TOMM20: variants seen among roughly 807,000 people sequenced by gnomAD.
TOMM20 encodes the protein mitochondrial import receptor subunit TOM20 homolog.
A neutral mutation model predicts 22.1 loss-of-function variants in TOMM20; 10 were observed. The observed-to-expected ratio is 0.45, with a 90% CI of 0.28 to 0.77. TOMM20 has a LOEUF of 0.77. Among genes scored for constraint, TOMM20 ranks in the 30% least tolerant of loss-of-function variants. The pLI is 0.13. For missense variants in TOMM20, 121 were observed against 172.2 expected, an observed-to-expected ratio of 0.70 and a Z score of 1.66; for synonymous variants, 55 against 61.4, an observed-to-expected ratio of 0.90 and a Z score of 0.49.
chr1:235,114,594 C>T lies in TOMM20; in HGVS notation c.251-684G>A, dbSNP rs544954788. 2.3e-3 allele frequency among the ~76,000 whole-genome samples: 353 copies of T among 152,078 alleles called. 3 individuals are homozygous for T. The highest frequency in any genetic ancestry group is 8.3e-3 in the African/African-American group (344 of 41,476). Reference sequence around the variant, plus strand: ...CTGGGACTACAGGCGCCCACCACCACGCCCGGCTAATTTTTTGTATTTTTA... The same window carrying T: ...CTGGGACTACAGGCGCCCACCACCATGCCCGGCTAATTTTTTGTATTTTTA... On this transcript the variant is annotated intron_variant, in intron 3 of 4. Transcript: ENST00000366607.
chr1:235,115,662 A>G (rs916636855), intron 3 of TOMM20, among the ~76,000 whole-genome samples: 17 of 152,162 alleles, frequency 1.1e-4, no homozygotes, highest in African/African-American at 3.4e-4. Context: ...AATAATAACA[A>G]TACAAGTAGA....
At chr1:235,112,184 C>T (rs1660750812) in intron 4 of TOMM20, 76 bp from the exon 5 acceptor site, 2 of 1,165,816 alleles carry the variant, frequency 1.7e-6, no homozygotes, top group Non-Finnish European at 2.4e-6. Flanking sequence ...ATAAAATGCT[C>T]TTTGTATTCA....
intron 3 of TOMM20, among the ~76,000 whole-genome samples, chr1:235,117,090 G>C (rs186697006): frequency 2.5e-4 from 28 of 113,116 alleles, no homozygotes; most frequent in Admixed American, 6.1e-4. Context: ...AGCGGAGATC[G>C]CGCCACTGCA....
chr1:235,110,356 G>A lies in TOMM20; in HGVS notation c.*1708C>T, dbSNP rs1385079101. On this transcript the variant is annotated 3_prime_UTR_variant, in exon 5 of 5. Transcript: ENST00000366607. Reference sequence around the variant, plus strand: ...TCCCTCTAACTGCCCCTCTATACATGTCTGGGCTGCTGCCTAAGACTTCTT... The same window carrying A: ...TCCCTCTAACTGCCCCTCTATACATATCTGGGCTGCTGCCTAAGACTTCTT... 1 of 151,950 alleles carries A rather than the reference G, an allele frequency of 6.6e-6. No homozygotes were observed. Among genetic ancestry groups the A allele is most frequent in the East Asian group, 1.9e-4 (1 of 5,184 alleles). 9.4% of individuals were successfully genotyped at this position (151,950 alleles called of 1,614,324 possible).
At position 235,116,458 on chromosome 1, in the gene TOMM20, G is replaced by C. The variant is rs138495805; in HGVS notation, c.251-2548C>G. Among the ~76,000 whole-genome samples, 387 of 152,096 alleles carry C rather than the reference G, an allele frequency of 2.5e-3. 2 individuals carry two copies. Among genetic ancestry groups the C allele is most frequent in the African/African-American group, 9.0e-3 (374 of 41,470 alleles). The stretch of plus-strand genomic sequence containing the variant: ...GGAGGCTGAGGCAAGAGAATCGCTT[G>C]AACCTGGAAGACGGAAGTTGCAGTG... On this transcript the variant is annotated intron_variant, in intron 3 of 4. Coordinates refer to ENST00000366607, the MANE Select transcript of TOMM20 (RefSeq NM_014765.3).
rs149822690 is a variant in TOMM20, at chr1:235,113,906, T to C, written c.255A>G (p.Glu85=). The C allele has an allele frequency of 1.9e-5, 30 of 1,578,500 alleles. No individual in the cohort carries two copies. Among genetic ancestry groups the C allele is most frequent in the Non-Finnish European group, 2.4e-5 (28 of 1,161,442 alleles). ...QLGEELLAQG[E]YEKGVDHLTN... ...TCAGATGGTCTACGCCCTTCTCATA[T>C]TCACCTGTAAGATTTACATAAAATT... The change falls in exon 4 of 5, where the codon GAA becomes GAG. Residue 85 remains glutamate (E), a synonymous_variant. Coordinates refer to ENST00000366607, the MANE Select transcript of TOMM20 (RefSeq NM_014765.3).
chr1:235,128,455 G>T (rs1661072196), intron 1 of TOMM20, 140 bp downstream of exon 1: 1 of 1,354,364 alleles, frequency 7.4e-7, no homozygotes, highest in Non-Finnish European at 1.0e-6. Context: ...GAGCGGCGCA[G>T]CCAGCGCCAT....
chr1:235,121,497 A>G lies in TOMM20; in HGVS notation c.168+829T>C, dbSNP rs537749322. ...AGAAAGGTAGTCTGATCCTACTAGA[A>G]CGAAGTAGTTTCCTCCCATTTTCAC... On this transcript the variant is annotated intron_variant, in intron 2 of 4. Coordinates refer to ENST00000366607, the MANE Select transcript of TOMM20 (RefSeq NM_014765.3). 3.3e-5 allele frequency among the ~76,000 whole-genome samples: 5 copies of G among 152,350 alleles called. No homozygotes were observed. The East Asian group carries it at 9.6e-4, about 29-fold the overall frequency.
At chr1:235,120,589 C>CT (rs983953125) in intron 2 of TOMM20, among the ~76,000 whole-genome samples, 18 of 148,958 alleles carry the variant, frequency 1.2e-4, no homozygotes, top group African/African-American at 4.5e-4. Context: ...ATCTAAAAGA[C>CT]TGTTTTTTGA....
At chr1:235,116,957 A>T (rs1429495645) in intron 3 of TOMM20, among the ~76,000 whole-genome samples, 6 of 151,170 alleles carry the variant, frequency 4.0e-5, no homozygotes, top group African/African-American at 7.3e-5. Flanking sequence ...AACATGGTGA[A>T]ACCCCGTCTC....
chr1:235,113,636 A>T, intron 4 of TOMM20, 132 bp downstream of exon 4: 7 of 1,164,444 alleles, frequency 6.0e-6, no homozygotes, highest in South Asian at 5.1e-5. Context: ...TCAAGCGCTG[A>T]TATCTCCCAT....
intron 3 of TOMM20, among the ~76,000 whole-genome samples, chr1:235,115,785 A>G (rs1463584585): frequency 1.3e-5 from 2 of 152,214 alleles, no homozygotes; most frequent in Non-Finnish European, 2.9e-5. Flanking sequence ...CAGAATATAA[A>G]CTGCCTCCCT....
intron 1 of TOMM20, among the ~76,000 whole-genome samples, chr1:235,126,791 C>T (rs1260426838): frequency 1.3e-5 from 2 of 152,108 alleles, no homozygotes; most frequent in East Asian, 3.9e-4. Flanking sequence ...CAGAGCGAGA[C>T]TCAAACAAAC....
At chr1:235,122,231 CT>C in intron 2 of TOMM20, 94 bp downstream of exon 2, 1 of 1,175,138 alleles carries the variant, frequency 8.5e-7, no homozygotes. Context: ...TATCAACTAG[CT>C]TTTTCCAATT....
At chr1:235,128,549 C>T (rs746913007) in intron 1 of TOMM20, 46 bp downstream of exon 1, 8 of 1,610,454 alleles carry the variant, frequency 5.0e-6, no homozygotes, top group Non-Finnish European at 5.9e-6. Context: ...TGAAGGGCGG[C>T]GGCCGAAGGC....
chr1:235,109,970 T>C lies in TOMM20; in HGVS notation c.*2094A>G, dbSNP rs776385456. ...AACTTAAGATGGGGATGAATAGTGT[T>C]TGGCAATTACATTTCTGGGAGAAAA... is the stretch of plus-strand genomic sequence containing the variant. On this transcript the variant is annotated 3_prime_UTR_variant, in exon 5 of 5. Transcript: ENST00000366607. 6.6e-6 allele frequency: 1 copy of C among 152,172 alleles called. No homozygotes were observed. The highest frequency in any genetic ancestry group is 1.5e-5 in the Non-Finnish European group (1 of 68,036). The allele number at this position is 152,172 out of a possible 1,614,324, so 9.4% of individuals were successfully genotyped here. A position where few individuals can be genotyped will look rare whatever the true frequency, so the allele number is the denominator to read the frequency against.
At chr1:235,126,946 T>C (rs538749073) in intron 1 of TOMM20, among the ~76,000 whole-genome samples, 25 of 152,340 alleles carry the variant, frequency 1.6e-4, no homozygotes, top group African/African-American at 5.5e-4. Context: ...AGCTAAGTAA[T>C]TCACTGTAAT....
intron 1 of TOMM20, among the ~76,000 whole-genome samples, chr1:235,123,993 T>A (rs529057747): frequency 6.6e-6 from 1 of 152,250 alleles, no homozygotes; most frequent in African/African-American, 2.4e-5. Flanking sequence ...AAGTTTTAGA[T>A]GCTACATGCG....
At chr1:235,119,219 G>T (rs781262437) in intron 3 of TOMM20, 1 of 152,166 alleles carries the variant, frequency 6.6e-6, no homozygotes, top group African/African-American at 2.4e-5. Context: ...TTTAAAGATA[G>T]AATATTTTTT....
Sources: allele counts gnomAD v4.1 joint callset (sites outside exome capture counted in the v4.1 genomes callset), GRCh38; gene constraint gnomAD v4.1.1; transcripts MANE v1.5; gene names NCBI Gene and HGNC (gene_info 2026-07-23, HGNC 2026-07-21).